ST6GAL1: variants seen among roughly 807,000 people sequenced by gnomAD.
ST6GAL1 encodes beta-galactoside alpha-2,6-sialyltransferase 1.
ST6GAL1 carries 20 observed loss-of-function variants against 38.0 expected under a neutral mutation model. That is an observed-to-expected ratio of 0.53 (90% CI 0.37 to 0.77). The LOEUF is 0.77. Ranked by LOEUF, ST6GAL1 falls within the 30% of genes least tolerant of loss-of-function variation. The pLI is 0.00. For synonymous variants in ST6GAL1, 196 were observed against 188.2 expected (o/e 1.04, Z -0.34); for missense variants, 432 against 496.4 (o/e 0.87, Z 1.23).
Position 187,043,052 on chromosome 3 carries a change from C to T in ST6GAL1, c.349C>T (p.Leu117=), listed in dbSNP as rs1353118047. The T allele has an allele frequency of 1.9e-6, 3 of 1,614,088 alleles. No individual in the cohort carries two copies. In the African/African-American group the frequency reaches 4.0e-5, roughly 22 times the overall value. ...PRLQKIWKNY[L]SMNKYKVSYK... Reference sequence around the variant, plus strand: ...GCTGCAAAAGATCTGGAAGAATTACCTAAGCATGAACAAGTACAAAGTGTC... The same window carrying T: ...GCTGCAAAAGATCTGGAAGAATTACTTAAGCATGAACAAGTACAAAGTGTC... The change falls in exon 4 of 8, where the codon CTA becomes TTA. Residue 117 remains leucine, a synonymous_variant. Coordinates refer to ENST00000169298, the MANE Select transcript of ST6GAL1 (RefSeq NM_173216.2).
At chr3:186,977,939 C>T (rs982220585) in intron 2 of ST6GAL1, among the ~76,000 whole-genome samples, 2 of 152,116 alleles carry the variant, frequency 1.3e-5, no homozygotes, top group South Asian at 4.1e-4. Context: ...CTCGGCCGGG[C>T]GTGGTGGCTC....
At chr3:187,032,298 A>T (rs1203710658) in intron 2 of ST6GAL1, among the ~76,000 whole-genome samples, 1 of 152,212 alleles carries the variant, frequency 6.6e-6, no homozygotes, top group East Asian at 1.9e-4. Context: ...GGGCTGTATC[A>T]AACAAAAAGT....
intron 2 of ST6GAL1, among the ~76,000 whole-genome samples, chr3:186,984,724 TC>T: frequency 7.1e-6 from 1 of 140,128 alleles, no homozygotes; most frequent in South Asian, 2.5e-4. Flanking sequence ...CTTCCCTTCC[TC>T]CCTTCCTTCC....
intron 5 of ST6GAL1, among the ~76,000 whole-genome samples, chr3:187,067,287 A>G (rs1040571672): frequency 4.1e-5 from 6 of 146,198 alleles, no homozygotes; most frequent in Non-Finnish European, 9.0e-5. Flanking sequence ...AGGTTTTACT[A>G]TGTTGGCCAG....
At chr3:187,035,649 G>A (rs9844745) in intron 2 of ST6GAL1, among the ~76,000 whole-genome samples, 3,438 of 152,078 alleles carry the variant, frequency 0.023, 140 homozygotes, top group African/African-American at 0.078. Flanking sequence ...AATAAGCAAC[G>A]GGGGAAAGAA....
intron 2 of ST6GAL1, among the ~76,000 whole-genome samples, chr3:187,032,112 C>T (rs147146745): frequency 2.0e-5 from 3 of 152,310 alleles, no homozygotes; most frequent in African/African-American, 7.2e-5. Context: ...TTTTGGAAAG[C>T]CCTCATCACC....
chr3:187,025,335 C>T (rs908596493), intron 2 of ST6GAL1: 11 of 152,036 alleles, frequency 7.2e-5, no homozygotes, highest in South Asian at 2.1e-4. Context: ...ATGGCGGGCC[C>T]GTTTTCTTCT....
chr3:186,989,395 A>G (rs1716074170), intron 2 of ST6GAL1, among the ~76,000 whole-genome samples: 1 of 152,252 alleles, frequency 6.6e-6, no homozygotes, highest in Non-Finnish European at 1.5e-5. Context: ...TGCTCTCTGC[A>G]GACAGGCTGT....
At position 187,060,144 on chromosome 3, in the gene ST6GAL1, T is replaced by C. The variant is rs138306645; in HGVS notation, c.705+8798T>C. 3.5e-3 allele frequency among the ~76,000 whole-genome samples: 527 copies of C among 152,206 alleles called. 1 individual carries two copies. Among genetic ancestry groups the C allele is most frequent in the Middle Eastern group, 6.8e-3 (2 of 294 alleles). ...CTGAAAGCAAGAAGGAGTCAAGCCATGGTGCTGCACCGAGGCATCTTCTTT... is the reference window on the plus strand; with the variant it reads ...CTGAAAGCAAGAAGGAGTCAAGCCACGGTGCTGCACCGAGGCATCTTCTTT... On this transcript the variant is annotated intron_variant, in intron 5 of 7. Transcript: ENST00000169298.
intron 2 of ST6GAL1, among the ~76,000 whole-genome samples, chr3:186,976,071 T>C (rs1048311850): frequency 1.3e-5 from 2 of 152,208 alleles, no homozygotes; most frequent in African/African-American, 4.8e-5. Flanking sequence ...CTAGAGTTCC[T>C]GCACACAGTT....
intron 5 of ST6GAL1, among the ~76,000 whole-genome samples, chr3:187,070,765 T>C (rs1401592189): frequency 2.0e-5 from 3 of 152,126 alleles, no homozygotes; most frequent in African/African-American, 7.2e-5. Context: ...CTACCTCTGT[T>C]GTTGCACCAT....
chr3:187,072,335 G>T (rs908531838), intron 5 of ST6GAL1: 1 of 167,258 alleles, frequency 6.0e-6, no homozygotes, highest in Admixed American at 5.8e-5. Context: ...CATCTGTTCC[G>T]TGTTGGAACA....
At chr3:187,005,030 T>C (rs1354691520) in intron 2 of ST6GAL1, among the ~76,000 whole-genome samples, 1 of 152,012 alleles carries the variant, frequency 6.6e-6, no homozygotes, top group Non-Finnish European at 1.5e-5. Flanking sequence ...ACTGCCACCA[T>C]CAATAAGAAG....
intron 1 of ST6GAL1, among the ~76,000 whole-genome samples, chr3:186,945,760 G>T (rs1026227717): frequency 1.3e-5 from 2 of 150,078 alleles, no homozygotes; most frequent in Non-Finnish European, 3.0e-5. Context: ...GCCAAGGCGG[G>T]TGGATCACGA....
At chr3:186,987,179 A>G (rs1463603926) in intron 2 of ST6GAL1, among the ~76,000 whole-genome samples, 16 of 57,532 alleles carry the variant, frequency 2.8e-4, no homozygotes, top group Non-Finnish European at 2.0e-4. Context: ...AGAAAGAGAG[A>G]CAGGGAGGGA....
In ST6GAL1 at chr3:187,076,988, T is replaced by A. The variant is rs532064767; in HGVS notation, c.*1185T>A. ...CTAACCACCATCTGTTTTTTTTTTT[T>A]AAAGCATTTTTTGCTTTAAAAGCAT... On this transcript the variant is annotated 3_prime_UTR_variant, in exon 8 of 8. Transcript: ENST00000169298. 1.3e-5 allele frequency: 5 copies of A among 398,370 alleles called. No homozygotes were observed. The highest frequency in any genetic ancestry group is 1.3e-4 in the South Asian group (1 of 7,826). 24.7% of individuals were successfully genotyped at this position (398,370 alleles called of 1,614,324 possible). A position where few individuals can be genotyped will look rare whatever the true frequency, so the allele number is the denominator to read the frequency against.
intron 1 of ST6GAL1, among the ~76,000 whole-genome samples, chr3:186,957,892 C>T (rs1383557915): frequency 1.3e-5 from 2 of 152,056 alleles, no homozygotes; most frequent in African/African-American, 2.4e-5. Flanking sequence ...ATGATTTTAT[C>T]TCCCACACAG....
intron 2 of ST6GAL1, among the ~76,000 whole-genome samples, chr3:187,027,285 T>G (rs1440178134): frequency 1.3e-5 from 2 of 152,134 alleles, no homozygotes; most frequent in Admixed American, 1.3e-4. Context: ...GCCTAGCACT[T>G]CTCTGCAGAT....
intron 2 of ST6GAL1, among the ~76,000 whole-genome samples, chr3:187,009,865 C>T (rs963948510): frequency 2.0e-5 from 3 of 151,740 alleles, no homozygotes; most frequent in African/African-American, 4.8e-5. Flanking sequence ...ATTAGCCAGG[C>T]GTGGTGGTGG....
Sources: allele counts gnomAD v4.1 joint callset (sites outside exome capture counted in the v4.1 genomes callset), GRCh38; gene constraint gnomAD v4.1.1; transcripts MANE v1.5; gene names NCBI Gene and HGNC (gene_info 2026-07-23, HGNC 2026-07-21).